Variants in MYCBP2 observed in about 807,000 individuals in gnomAD.
MYCBP2 encodes MYC binding protein 2, also known as E3 ubiquitin-protein ligase MYCBP2.
Under a neutral mutation model 525.3 loss-of-function variants are expected in MYCBP2, and 120 were observed. That is an observed-to-expected ratio of 0.23 (90% confidence interval 0.20 to 0.27). The LOEUF is 0.27. Ranked by LOEUF, MYCBP2 falls within the 10% of genes least tolerant of loss-of-function variation. The pLI, the probability that MYCBP2 is intolerant of heterozygous loss-of-function variation, is 1.00. For missense variants in MYCBP2, 4,149 were observed against 5,657.1 expected, an observed-to-expected ratio of 0.73 and a Z score of 8.55; for synonymous variants, 1,894 against 1,955.8, an observed-to-expected ratio of 0.97 and a Z score of 0.83.
At chr13:77,210,954 G>T (rs1365331404) in intron 23 of MYCBP2, among the ~76,000 whole-genome samples, 1 of 152,108 alleles carries the variant, frequency 6.6e-6, no homozygotes, top group African/African-American at 2.4e-5. Context: ...GTGGAGCTGG[G>T]ATAAACCTAG....
At chr13:77,165,456 T>C (rs1252505152) in intron 41 of MYCBP2, 65 bp from the exon 42 acceptor site, 2 of 1,153,754 alleles carry the variant, frequency 1.7e-6, no homozygotes, top group Admixed American at 2.2e-5. Context: ...CCCTGTCTTT[T>C]ATCCAATGGA....
chr13:77,294,104 C>G (rs1429899368), intron 2 of MYCBP2, among the ~76,000 whole-genome samples: 1 of 41,920 alleles, frequency 2.4e-5, no homozygotes, highest in Non-Finnish European at 5.2e-5. Context: ...GATATAATGG[C>G]TATATATATA....
chr13:77,273,630 T>C lies in MYCBP2; in HGVS notation c.787A>G (p.Ser263Gly). The change falls in exon 5 of 83, where the codon AGT (serine) becomes GGT (glycine). Residue 263 changes from serine to glycine, a missense_variant. Around this residue, in one of 21 missense-constraint regions of MYCBP2, gnomAD observed 413 missense variants for 451.2 expected, o/e 0.92. Transcript: ENST00000544440. ...FQLLLEITVRSTGMNDSTGQS... is the reference protein window; with the variant it reads ...FQLLLEITVRGTGMNDSTGQS... ...CCTGTGCTGTCATTCATCCCAGTAC[T>C]TCGAACGGTGATTTCCAAAAGAAGC... The C allele has an allele frequency of 6.4e-7, 1 of 1,564,188 alleles. No homozygotes were observed. Among genetic ancestry groups the C allele is most frequent in the Non-Finnish European group, 8.6e-7 (1 of 1,161,174 alleles).
Position 77,278,862 on chromosome 13 carries a change from C to A in MYCBP2, c.644G>T (p.Arg215Leu). 1 of 1,596,900 alleles carries A rather than the reference C, an allele frequency of 6.3e-7. No homozygotes were observed. Among genetic ancestry groups the A allele is most frequent in the Non-Finnish European group, 8.5e-7 (1 of 1,172,016 alleles). Residue 215 changes from arginine (R) to leucine (L), a missense_variant, in exon 4 of 83, where the codon CGA (arginine) becomes CTA (leucine). By Grantham distance (102) the Arg-to-Leu change is moderately radical. This residue lies in a region of MYCBP2 where 413 missense variants were observed against 451.2 expected (regional missense o/e 0.92). Coordinates refer to ENST00000544440, the MANE Select transcript of MYCBP2 (RefSeq NM_015057.5). ...CEVFELIKET[R>L]FSHPSLCLRS... ...GAGACACAGGGATGGATGAGAAAAT[C>A]GTGTCTCTTTGATCAATTCAAAAAC... is the stretch of plus-strand genomic sequence containing the variant.
chr13:77,235,881 T>C (rs529404706), intron 17 of MYCBP2, among the ~76,000 whole-genome samples: 4 of 151,442 alleles, frequency 2.6e-5, no homozygotes, highest in African/African-American at 9.7e-5. Context: ...AGGTAACAAG[T>C]AGCATAAAGG....
chr13:77,079,465 G>C (rs1040061739), intron 65 of MYCBP2, among the ~76,000 whole-genome samples: 2 of 152,160 alleles, frequency 1.3e-5, no homozygotes, highest in Non-Finnish European at 2.9e-5. Context: ...GGCTGAATAA[G>C]TTTTACGCAA....
intron 58 of MYCBP2, among the ~76,000 whole-genome samples, chr13:77,093,872 G>A (rs2045824557): frequency 6.6e-6 from 1 of 152,108 alleles, no homozygotes; most frequent in African/African-American, 2.4e-5. Context: ...GGTTCAGGGT[G>A]GAAGGGGTGC....
Position 77,058,434 on chromosome 13 carries a change from C to G in MYCBP2, c.13141-28G>C, listed in dbSNP as rs9573991. The stretch of plus-strand genomic sequence containing the variant: ...GTTAAAGATGAATTACAATGTTACA[C>G]AAGTATGTAAAAAAGCACACATTCT... On this transcript the variant is annotated intron_variant, in intron 77 of 82. Transcript: ENST00000544440. The surrounding 1 kb of genome is among the most constrained non-coding windows in gnomAD (Gnocchi z 4.1). 465 of 1,521,698 alleles carry G rather than the reference C, an allele frequency of 3.1e-4. 1 individual carries two copies. The highest frequency in any genetic ancestry group is 3.5e-4 in the South Asian group (28 of 79,122). 94.3% of individuals were successfully genotyped at this position (1,521,698 alleles called of 1,614,324 possible). A position where few individuals can be genotyped will look rare whatever the true frequency, so the allele number is the denominator to read the frequency against.
intron 1 of MYCBP2, among the ~76,000 whole-genome samples, chr13:77,306,216 C>T (rs1384862532): frequency 1.3e-5 from 2 of 152,034 alleles, no homozygotes; most frequent in African/African-American, 4.8e-5. Flanking sequence ...TATGAAGCAC[C>T]TTATGTAAAC....
At chr13:77,054,500 A>G (rs940348093) in intron 80 of MYCBP2, among the ~76,000 whole-genome samples, 24 of 152,120 alleles carry the variant, frequency 1.6e-4, no homozygotes, top group African/African-American at 5.3e-4. Flanking sequence ...AAGGAAAATG[A>G]TTAGGTTTGC....
At position 77,326,724 on chromosome 13, in the gene MYCBP2, C is replaced by A. The variant is rs950899836; in HGVS notation, c.52G>T (p.Gly18Cys). The part of the protein sequence containing the change: ...ASPAAASSGL[G>C]GDGFYPAATF... ...GCGGCTGGGTAGAATCCGTCCCCGCCGAGCCCCGAGGAGGCGGCGGCGGGG... is the reference window on the plus strand; with the variant it reads ...GCGGCTGGGTAGAATCCGTCCCCGCAGAGCCCCGAGGAGGCGGCGGCGGGG... The change falls in exon 1 of 83, where the codon GGC becomes TGC. Residue 18 changes from glycine to cysteine, a missense_variant. Gly to Cys is a radical substitution (Grantham distance 159, BLOSUM62 -3). Around this residue, in one of 21 missense-constraint regions of MYCBP2, gnomAD observed 413 missense variants for 451.2 expected, o/e 0.92. Transcript: ENST00000544440. This position sits in a 1 kb window ranked among gnomAD's most constrained non-coding sequence, Gnocchi z 4.2. 2.1e-6 allele frequency: 3 copies of A among 1,412,030 alleles called. No individual in the cohort carries two copies. The highest frequency in any genetic ancestry group is 2.7e-6 in the Non-Finnish European group (3 of 1,096,104). 87.5% of individuals were successfully genotyped at this position (1,412,030 alleles called of 1,614,324 possible).
chr13:77,312,454 G>T (rs2080373226), intron 1 of MYCBP2, among the ~76,000 whole-genome samples: 1 of 151,998 alleles, frequency 6.6e-6, no homozygotes, highest in Non-Finnish European at 1.5e-5. Flanking sequence ...CTCTGGGGGA[G>T]GGGAGAATAA....
At position 77,205,552 on chromosome 13, in the gene MYCBP2, A is replaced by G. The variant is rs542960039; in HGVS notation, c.3636T>C (p.Val1212=). The part of the protein sequence containing the change: ...LAAMQDLKMG[V]ASTEEETQAV... ...CTTGAGTCTCTTCCTCTGTACTTGC[A>G]ACACCCATTTTTAAGTCCTGCATAG... The change falls in exon 25 of 83, where the codon GTT becomes GTC. Residue 1212 remains valine (V), a synonymous_variant. Transcript: ENST00000544440. 6.2e-7 allele frequency: 1 copy of G among 1,613,604 alleles called. No individual in the cohort carries two copies. The highest frequency in any genetic ancestry group is 1.7e-5 in the Admixed American group (1 of 59,930).
intron 3 of MYCBP2, among the ~76,000 whole-genome samples, chr13:77,284,280 A>G (rs1054764270): frequency 3.3e-5 from 5 of 152,326 alleles, no homozygotes; most frequent in African/African-American, 1.2e-4. Context: ...TCAGGCAAGA[A>G]GGAATGGGAC....
At chr13:77,107,719 C>T (rs1274188554) in intron 55 of MYCBP2, among the ~76,000 whole-genome samples, 1 of 151,772 alleles carries the variant, frequency 6.6e-6, no homozygotes, top group African/African-American at 2.4e-5. Flanking sequence ...GTGTGGGCGA[C>T]AGAGTGAAAT....
At chr13:77,253,823 T>C (rs148285213) in intron 14 of MYCBP2, among the ~76,000 whole-genome samples, 119 of 152,138 alleles carry the variant, frequency 7.8e-4, no homozygotes, top group African/African-American at 2.5e-3. Flanking sequence ...AATCCAACTC[T>C]ACTGGTGAGA....
At chr13:77,292,346 G>T (rs1397798289) in intron 2 of MYCBP2, among the ~76,000 whole-genome samples, 1 of 151,834 alleles carries the variant, frequency 6.6e-6, no homozygotes, top group Non-Finnish European at 1.5e-5. Flanking sequence ...AGTCCTTCTG[G>T]CAAATCAAAG....
At chr13:77,253,325 T>C (rs967388484) in intron 14 of MYCBP2, among the ~76,000 whole-genome samples, 1 of 151,870 alleles carries the variant, frequency 6.6e-6, no homozygotes, top group Non-Finnish European at 1.5e-5. Flanking sequence ...TACTAGAATG[T>C]TCACAGCAAC....
chr13:77,117,588 C>T (rs1028639112), intron 55 of MYCBP2, among the ~76,000 whole-genome samples: 4 of 151,892 alleles, frequency 2.6e-5, no homozygotes, highest in African/African-American at 9.7e-5. Flanking sequence ...CATTTGAATC[C>T]GAAAAATGGT....
Sources: gnomAD v4.1 joint callset for allele counts (sites outside exome capture counted in the v4.1 genomes callset) on GRCh38, gnomAD v4.1.1 for gene constraint, gnomAD v4.1.1 regional missense constraint, Gnocchi (gnomAD v3.1) non-coding constraint, MANE v1.5 for transcripts, NCBI Gene and HGNC (gene_info 2026-07-23, HGNC 2026-07-21) for gene names.